SHISA9: variants seen among roughly 807,000 people sequenced by gnomAD.
SHISA9 encodes shisa family member 9.
A neutral mutation model predicts 38.0 loss-of-function variants in SHISA9; 13 were observed. The ratio of observed to expected loss-of-function variants is 0.34; its 90% confidence interval spans 0.22 to 0.54. SHISA9 has a LOEUF of 0.54. Among genes scored for constraint, SHISA9 ranks in the 20% least tolerant of loss-of-function variants. SHISA9 has a pLI of 0.91. For missense variants in SHISA9, 538 were observed against 575.8 expected (o/e 0.93, Z 0.67); for synonymous variants, 275 against 242.0 (o/e 1.14, Z -1.27).
At chr16:13,396,202 T>A in the SHISA9 span, among the ~76,000 whole-genome samples, 1 of 152,168 alleles carries the variant, frequency 6.6e-6, no homozygotes, top group Non-Finnish European at 1.5e-5. Context: ...CTCCTCTTAA[T>A]AGAAACACAA....
chr16:13,054,231 A>C (rs563740721), intron 2 of SHISA9, among the ~76,000 whole-genome samples: 1 of 152,314 alleles, frequency 6.6e-6, no homozygotes, highest in East Asian at 1.9e-4. Context: ...AACGAGCCTC[A>C]GTTTTGTCAT....
the SHISA9 span, among the ~76,000 whole-genome samples, chr16:13,519,527 T>A: frequency 6.6e-6 from 1 of 152,210 alleles, no homozygotes; most frequent in African/African-American, 2.4e-5. Context: ...AAATTGTATT[T>A]CAGTAGCTAC....
intron 2 of SHISA9, among the ~76,000 whole-genome samples, chr16:13,038,256 CT>C (rs1170916567): frequency 6.6e-6 from 1 of 152,222 alleles, no homozygotes; most frequent in African/African-American, 2.4e-5. Context: ...TCCCAAAGTG[CT>C]GGGATTACAG....
chr16:13,534,900 C>G, the SHISA9 span, among the ~76,000 whole-genome samples: 1 of 151,986 alleles, frequency 6.6e-6, no homozygotes, highest in South Asian at 2.1e-4. Flanking sequence ...TTAATATCAC[C>G]TATATGTTGA....
At chr16:13,551,998 G>C in the SHISA9 span, among the ~76,000 whole-genome samples, 2 of 152,172 alleles carry the variant, frequency 1.3e-5, no homozygotes, top group Non-Finnish European at 2.9e-5. Flanking sequence ...CTGCACTCCA[G>C]CCTGGGTAAC....
At chr16:13,325,279 G>C in the SHISA9 span, among the ~76,000 whole-genome samples, 2 of 152,174 alleles carry the variant, frequency 1.3e-5, no homozygotes, top group African/African-American at 2.4e-5. Context: ...TGTCATGACA[G>C]AGTCAGATTG....
At chr16:13,127,909 C>T (rs1276358173) in intron 2 of SHISA9, among the ~76,000 whole-genome samples, 4 of 152,196 alleles carry the variant, frequency 2.6e-5, no homozygotes, top group Admixed American at 1.3e-4. Context: ...AGCCCAGCTT[C>T]TGATGCTGAC....
chr16:13,398,046 C>A, the SHISA9 span, among the ~76,000 whole-genome samples: 1 of 152,106 alleles, frequency 6.6e-6, no homozygotes, highest in African/African-American at 2.4e-5. Context: ...ATCCGACAGT[C>A]GATGACCTGC....
At chr16:13,375,680 C>CA in the SHISA9 span, among the ~76,000 whole-genome samples, 3 of 151,606 alleles carry the variant, frequency 2.0e-5, no homozygotes, top group South Asian at 2.1e-4. Context: ...AGCCAAAAAA[C>CA]AAAAAAACAA....
At chr16:13,124,963 C>T (rs2050243729) in intron 2 of SHISA9, among the ~76,000 whole-genome samples, 1 of 152,100 alleles carries the variant, frequency 6.6e-6, no homozygotes, top group African/African-American at 2.4e-5. Context: ...ATACCAAAAT[C>T]AAATCAAAAT....
chr16:13,405,722 G>A, the SHISA9 span, among the ~76,000 whole-genome samples: 1 of 152,088 alleles, frequency 6.6e-6, no homozygotes, highest in Non-Finnish European at 1.5e-5. Context: ...AGAACATGTG[G>A]TATTTGGTTT....
the SHISA9 span, among the ~76,000 whole-genome samples, chr16:13,417,571 T>G: frequency 3.3e-5 from 5 of 152,374 alleles, no homozygotes; most frequent in South Asian, 6.2e-4. Context: ...AAGTCTTCAC[T>G]GTCAGTGTCT....
At chr16:12,912,615 C>T (rs2071200617) in intron 1 of SHISA9, among the ~76,000 whole-genome samples, 2 of 152,086 alleles carry the variant, frequency 1.3e-5, no homozygotes, top group Admixed American at 6.6e-5. Context: ...TTTGGAAGGC[C>T]TCTGTCTTTT....
At chr16:13,212,634 G>C (rs1283664252) in intron 3 of SHISA9, among the ~76,000 whole-genome samples, 1 of 152,172 alleles carries the variant, frequency 6.6e-6, no homozygotes, top group African/African-American at 2.4e-5. Flanking sequence ...ACCTTAGAAA[G>C]GGTGACTCTG....
At chr16:13,067,494 T>G (rs949945382) in intron 2 of SHISA9, among the ~76,000 whole-genome samples, 7 of 152,234 alleles carry the variant, frequency 4.6e-5, no homozygotes, top group African/African-American at 1.7e-4. Flanking sequence ...CTTGCTTCCT[T>G]CTATCTGTTC....
At chr16:13,069,159 A>G (rs1228614707) in intron 2 of SHISA9, among the ~76,000 whole-genome samples, 1 of 150,700 alleles carries the variant, frequency 6.6e-6, no homozygotes, top group Non-Finnish European at 1.5e-5. Context: ...ATGTATGTGT[A>G]TATATGTGTG....
At chr16:13,530,246 A>T in the SHISA9 span, among the ~76,000 whole-genome samples, 1 of 152,228 alleles carries the variant, frequency 6.6e-6, no homozygotes, top group Admixed American at 6.5e-5. Flanking sequence ...GGTTGCAGTG[A>T]GCTGAGATCG....
intron 2 of SHISA9, among the ~76,000 whole-genome samples, chr16:12,964,437 A>G (rs2071952293): frequency 6.6e-6 from 1 of 151,246 alleles, no homozygotes; most frequent in African/African-American, 2.4e-5. Flanking sequence ...AGAATTTATT[A>G]GCTACCTAAC....
chr16:13,271,278 C>T, the SHISA9 span, among the ~76,000 whole-genome samples: 7 of 152,266 alleles, frequency 4.6e-5, no homozygotes, highest in Admixed American at 4.6e-4. Flanking sequence ...CTCTGTAGAA[C>T]AGTTCCCTGG....
Sources: allele counts gnomAD v4.1 joint callset (sites outside exome capture counted in the v4.1 genomes callset), GRCh38; gene constraint gnomAD v4.1.1; transcripts MANE v1.5; gene names NCBI Gene and HGNC (gene_info 2026-07-23, HGNC 2026-07-21).